Variants in PCDHA4 observed in about 807,000 individuals in gnomAD.
PCDHA4 encodes the protein protocadherin alpha 4.
PCDHA4 carries 49 observed loss-of-function variants against 61.4 expected under a neutral mutation model. That is an observed-to-expected ratio of 0.80 (90% confidence interval 0.63 to 1.01). PCDHA4 has a LOEUF of 1.01. PCDHA4 is among the 50% of genes least tolerant of loss of function. PCDHA4 has a pLI of 0.00. For missense variants in PCDHA4, 1,254 were observed against 1,235.8 expected, an observed-to-expected ratio of 1.01 and a Z score of -0.22; for synonymous variants, 590 against 550.3, an observed-to-expected ratio of 1.07 and a Z score of -1.01.
chr5:140,948,029 T>A (rs1372869400), intron 1 of PCDHA4, among the ~76,000 whole-genome samples: 1 of 151,594 alleles, frequency 6.6e-6, no homozygotes, highest in African/African-American at 2.4e-5. Flanking sequence ...TCTGGTTTGC[T>A]CAGAGTTTTA....
intron 1 of PCDHA4, chr5:140,966,944 A>C: frequency 6.2e-7 from 1 of 1,603,894 alleles, no homozygotes; most frequent in Non-Finnish European, 8.5e-7. Context: ...GCTCGTGGGC[A>C]ACGTGGCTCG....
At chr5:140,849,964 T>A in intron 1 of PCDHA4, 1 of 1,597,810 alleles carries the variant, frequency 6.3e-7, no homozygotes. Flanking sequence ...AACGCCCTGG[T>A]GTCCTACTCG....
rs1764178658 is a variant in PCDHA4, at chr5:140,808,467, C to T, written c.1280C>T (p.Ala427Val). ...SVSAYELVVT[A>V]RDGGSPSLWA... The stretch of plus-strand genomic sequence containing the variant: ...TCAGCCTATGAGCTGGTGGTGACCG[C>T]GCGAGACGGGGGCTCGCCTTCGCTG... Residue 427 changes from alanine to valine, a missense_variant, in exon 1 of 4, where the codon GCG becomes GTG. By Grantham distance (64) the Ala-to-Val change is moderately conservative (BLOSUM62 0). Coordinates refer to ENST00000530339, the MANE Select transcript of PCDHA4 (RefSeq NM_018907.4). 3 of 1,614,052 alleles carry T rather than the reference C, an allele frequency of 1.9e-6. No homozygotes were observed. Among genetic ancestry groups the T allele is most frequent in the African/African-American group, 2.7e-5 (2 of 74,946 alleles).
chr5:140,967,955 A>C (rs1422637534), intron 1 of PCDHA4: 5 of 1,614,078 alleles, frequency 3.1e-6, no homozygotes, highest in Non-Finnish European at 4.2e-6. Flanking sequence ...CTCAGGCCCC[A>C]ACCGGAAAGT....
rs148631412 is a variant in PCDHA4, at chr5:140,929,183, C to T, written c.2386-49766C>T. On this transcript the variant is annotated intron_variant, in intron 1 of 3. Transcript: ENST00000530339. ...TATCGGGCCTCTCTGGGACTTGGTT[C>T]TGATAATAACAGTTTGCTGTTGCGT... is the stretch of plus-strand genomic sequence containing the variant. 62 of 1,614,144 alleles carry T rather than the reference C, an allele frequency of 3.8e-5. No individual in the cohort carries two copies. The highest frequency in any genetic ancestry group is 4.8e-5 in the Non-Finnish European group (57 of 1,180,012).
chr5:140,927,155 G>A (rs2083907874), intron 1 of PCDHA4: 1 of 1,614,076 alleles, frequency 6.2e-7, no homozygotes, highest in Non-Finnish European at 8.5e-7. Flanking sequence ...CAGCTGTGCA[G>A]GGCCAAAGCT....
At chr5:140,842,322 G>A in intron 1 of PCDHA4, 1 of 1,607,612 alleles carries the variant, frequency 6.2e-7, no homozygotes, top group Non-Finnish European at 8.5e-7. Flanking sequence ...GCGGGTCATT[G>A]CACCGTTTTA....
chr5:140,833,072 T>G (rs1212811880), intron 1 of PCDHA4, among the ~76,000 whole-genome samples: 2 of 152,190 alleles, frequency 1.3e-5, no homozygotes, highest in African/African-American at 4.8e-5. Flanking sequence ...AAACCTTTTG[T>G]ATAACTTTGA....
At chr5:140,897,240 A>T (rs1475170855) in intron 1 of PCDHA4, among the ~76,000 whole-genome samples, 5 of 151,908 alleles carry the variant, frequency 3.3e-5, no homozygotes, top group Non-Finnish European at 5.9e-5. Flanking sequence ...TGTGCAGGTT[A>T]GTTACATATG....
At chr5:140,871,289 G>A (rs955449203) in intron 1 of PCDHA4, 1 of 1,613,792 alleles carries the variant, frequency 6.2e-7, no homozygotes, top group African/African-American at 1.3e-5. Context: ...CCCACTGAGG[G>A]CGCGTGCGCG....
intron 1 of PCDHA4, among the ~76,000 whole-genome samples, chr5:140,954,491 T>C (rs1554221443): frequency 6.6e-6 from 1 of 152,264 alleles, no homozygotes; most frequent in Non-Finnish European, 1.5e-5. Flanking sequence ...TATTTCATTG[T>C]GGTTTTGATT....
At chr5:140,896,501 T>G (rs1279439158) in intron 1 of PCDHA4, among the ~76,000 whole-genome samples, 4 of 152,048 alleles carry the variant, frequency 2.6e-5, no homozygotes, top group Non-Finnish European at 4.4e-5. Flanking sequence ...TAGCTGGGAC[T>G]GTGCAGGCAC....
Position 140,807,927 on chromosome 5 carries a change from A to C in PCDHA4, c.740A>C (p.Tyr247Ser). ...DNAPAFDRTI[Y>S]KVRLLENVPN... ...GCCCCAGCTTTTGACAGAACCATTT[A>C]TAAGGTGAGATTACTAGAAAATGTT... The change falls in exon 1 of 4, where the codon TAT (tyrosine) becomes TCT (serine). Residue 247 changes from tyrosine (Y) to serine (S), a missense_variant. Tyr to Ser is a moderately radical substitution (Grantham distance 144, BLOSUM62 -2). Transcript: ENST00000530339. The C allele has an allele frequency of 6.2e-7, 1 of 1,614,142 alleles. No homozygotes were observed. Among genetic ancestry groups the C allele is most frequent in the South Asian group, 1.1e-5 (1 of 91,074 alleles).
At chr5:140,918,155 A>T (rs1453787502) in intron 1 of PCDHA4, among the ~76,000 whole-genome samples, 1 of 152,054 alleles carries the variant, frequency 6.6e-6, no homozygotes, top group Admixed American at 6.5e-5. Flanking sequence ...GTGTATGTCT[A>T]TTGTAAATGG....
At chr5:140,906,158 C>G (rs1186216636) in intron 1 of PCDHA4, among the ~76,000 whole-genome samples, 1 of 152,140 alleles carries the variant, frequency 6.6e-6, no homozygotes, top group East Asian at 1.9e-4. Context: ...CACAGACACA[C>G]CCAGGAACAA....
intron 1 of PCDHA4, among the ~76,000 whole-genome samples, chr5:140,955,031 A>C (rs782110698): frequency 6.6e-6 from 1 of 152,166 alleles, no homozygotes; most frequent in Non-Finnish European, 1.5e-5. Flanking sequence ...TAAATAGGGA[A>C]TCTTTTCCTC....
intron 3 of PCDHA4, among the ~76,000 whole-genome samples, chr5:140,992,421 A>C (rs1412648457): frequency 6.6e-6 from 1 of 152,164 alleles, no homozygotes; most frequent in African/African-American, 2.4e-5. Flanking sequence ...CAGGTCTAAG[A>C]ATATTGTTCC....
At chr5:140,950,131 C>G (rs1030150193) in intron 1 of PCDHA4, among the ~76,000 whole-genome samples, 6 of 151,858 alleles carry the variant, frequency 4.0e-5, no homozygotes, top group Non-Finnish European at 7.4e-5. Flanking sequence ...CCACAAGACA[C>G]AGTTATAATT....
chr5:140,854,800 A>G (rs1032685213), intron 1 of PCDHA4: 4 of 149,738 alleles, frequency 2.7e-5, no homozygotes, highest in African/African-American at 9.8e-5. Flanking sequence ...GAGAGAAAAA[A>G]ATATTTTTAC....
Sources: allele counts gnomAD v4.1 joint callset (sites outside exome capture counted in the v4.1 genomes callset), GRCh38; gene constraint gnomAD v4.1.1; transcripts MANE v1.5; gene names NCBI Gene and HGNC (gene_info 2026-07-23, HGNC 2026-07-21).